The following PFDN1 variants were observed in gnomAD, a reference collection of about 807,000 sequenced individuals.
PFDN1 encodes prefoldin subunit 1.
PFDN1 carries 6 observed loss-of-function variants against 17.3 expected under a neutral mutation model. The observed-to-expected ratio is 0.35, with a 90% CI of 0.19 to 0.69. The LOEUF is 0.69. Among genes scored for constraint, PFDN1 ranks in the 30% least tolerant of loss-of-function variants. The probability of loss-of-function intolerance (pLI) is 0.65; values close to 1 mark genes in which losing one functional copy is unlikely to be tolerated. For missense variants in PFDN1, 113 were observed against 146.2 expected (o/e 0.77, Z 1.17); for synonymous variants, 58 against 50.1 (o/e 1.16, Z -0.67).
Position 140,303,030 on chromosome 5 carries a change from C to T in PFDN1, c.33+11G>A, listed in dbSNP as rs1765771719. 2.5e-6 allele frequency: 4 copies of T among 1,602,536 alleles called. No individual in the cohort carries two copies. The highest frequency in any genetic ancestry group is 3.4e-6 in the Non-Finnish European group (4 of 1,169,410). ...AAAGAAGACCTCCGCCTGCCAAAGA[C>T]CCTCTTTTACCTTCTTCAGCTCTAG... On this transcript the variant is annotated intron_variant, in intron 1 of 3. Transcript: ENST00000261813.
At chr5:140,262,434 A>G (rs943042774) in intron 3 of PFDN1, 1 of 438,554 alleles carries the variant, frequency 2.3e-6, no homozygotes, top group East Asian at 7.1e-5. Context: ...CGTGACCTCC[A>G]TTTCTAAATC....
intron 3 of PFDN1, among the ~76,000 whole-genome samples, chr5:140,279,797 A>C (rs999052032): frequency 9.6e-4 from 146 of 152,124 alleles, no homozygotes; most frequent in African/African-American, 3.3e-3. Context: ...GGAGTTCGAG[A>C]CCAGCCTGAC....
At position 140,266,016 on chromosome 5, in the gene PFDN1, G is replaced by A. The variant is rs12517336; in HGVS notation, c.285+15433C>T. 0.033 allele frequency among the ~76,000 whole-genome samples: 5,015 copies of A among 152,098 alleles called. 468 individuals are homozygous for A. The East Asian group carries it at 0.38, about 12-fold the overall frequency. On this transcript the variant is annotated intron_variant, in intron 3 of 3. Coordinates refer to ENST00000261813, the MANE Select transcript of PFDN1 (RefSeq NM_002622.5). ...CTTGATTTGAAATGCCCTCTCCTCT[G>A]CCCTAGCCCCACCTAGCAAACTTCT...
At position 140,245,882 on chromosome 5, in the gene PFDN1, C is replaced by G. The variant is rs1007051020; in HGVS notation, c.*92G>C. On this transcript the variant is annotated 3_prime_UTR_variant, in exon 4 of 4. Transcript: ENST00000261813. ...CAGGCCATCCAAATAAAGCATCCATCGGGGCAGAGGAGAAGCTGTTTCCCT... is the reference window on the plus strand; with the variant it reads ...CAGGCCATCCAAATAAAGCATCCATGGGGGCAGAGGAGAAGCTGTTTCCCT... 1.4e-6 allele frequency: 1 copy of G among 736,338 alleles called. No individual in the cohort carries two copies. Among genetic ancestry groups the G allele is most frequent in the African/African-American group, 1.8e-5 (1 of 57,090 alleles). The allele number at this position is 736,338 out of a possible 1,614,324, so 45.6% of individuals were successfully genotyped here. A position where few individuals can be genotyped will look rare whatever the true frequency, so the allele number is the denominator to read the frequency against.
chr5:140,253,606 G>A (rs1179816494), intron 3 of PFDN1, among the ~76,000 whole-genome samples: 5 of 152,176 alleles, frequency 3.3e-5, no homozygotes, highest in Admixed American at 6.5e-5. Context: ...AGAGCCAGGA[G>A]CGGCAACTGT....
At chr5:140,276,028 T>C (rs946692831) in intron 3 of PFDN1, among the ~76,000 whole-genome samples, 1 of 99,198 alleles carries the variant, frequency 1.0e-5, no homozygotes, top group Non-Finnish European at 2.4e-5. Context: ...ATGATGATGA[T>C]GATGATGATG....
chr5:140,281,696 G>T, intron 2 of PFDN1, 163 bp from the exon 3 acceptor site: 1 of 584,528 alleles, frequency 1.7e-6, no homozygotes, highest in Non-Finnish European at 3.0e-6. Flanking sequence ...AAACCTTCTT[G>T]GCTGAGAAGG....
At chr5:140,247,003 T>C (rs1764839921) in intron 3 of PFDN1, among the ~76,000 whole-genome samples, 2 of 152,182 alleles carry the variant, frequency 1.3e-5, no homozygotes, top group Non-Finnish European at 2.9e-5. Flanking sequence ...GCCCAGGCCC[T>C]TCTCTCACCT....
intron 3 of PFDN1, among the ~76,000 whole-genome samples, chr5:140,256,821 C>G (rs1004952189): frequency 2.0e-5 from 3 of 152,064 alleles, no homozygotes; most frequent in Non-Finnish European, 4.4e-5. Context: ...ACTCTTCTTT[C>G]TATCTAGCAC....
At chr5:140,280,548 G>A (rs1252721304) in intron 3 of PFDN1, among the ~76,000 whole-genome samples, 1 of 152,152 alleles carries the variant, frequency 6.6e-6, no homozygotes, top group Non-Finnish European at 1.5e-5. Context: ...CTAAGATACT[G>A]CATACTCCCA....
chr5:140,273,763 G>T (rs1765248014), intron 3 of PFDN1: 1 of 240,094 alleles, frequency 4.2e-6, no homozygotes, highest in East Asian at 1.8e-4. Context: ...ACTGTCCTAG[G>T]TTTCCTTATT....
chr5:140,293,310 G>T (rs1458423291), intron 2 of PFDN1: 2 of 137,512 alleles, frequency 1.5e-5, no homozygotes, highest in East Asian at 2.3e-4. Context: ...TCCTTTGTCA[G>T]TTAAAAAAAA....
chr5:140,270,791 T>C (rs961545722), intron 3 of PFDN1, among the ~76,000 whole-genome samples: 2 of 151,860 alleles, frequency 1.3e-5, no homozygotes, highest in South Asian at 2.1e-4. Context: ...CCGGGCGTGG[T>C]GGCGGGCGCC....
intron 3 of PFDN1, among the ~76,000 whole-genome samples, chr5:140,252,737 G>A (rs1446730283): frequency 1.3e-5 from 2 of 152,308 alleles, no homozygotes; most frequent in Admixed American, 6.5e-5. Flanking sequence ...GTTGGTAGAA[G>A]GCAGGGGAAA....
intron 3 of PFDN1, among the ~76,000 whole-genome samples, chr5:140,261,750 C>T (rs1253495480): frequency 6.6e-6 from 1 of 151,930 alleles, no homozygotes; most frequent in East Asian, 1.9e-4. Context: ...TCAATATCAC[C>T]CAAGAAAATG....
At chr5:140,259,944 T>C (rs1765039679) in intron 3 of PFDN1, among the ~76,000 whole-genome samples, 1 of 152,236 alleles carries the variant, frequency 6.6e-6, no homozygotes, top group South Asian at 2.1e-4. Flanking sequence ...AGACGTATTA[T>C]TGGCCAAAAA....
chr5:140,279,856 G>C (rs191651459), intron 3 of PFDN1, among the ~76,000 whole-genome samples: 1 of 151,548 alleles, frequency 6.6e-6, no homozygotes, highest in Admixed American at 6.6e-5. Context: ...TTAGCAGGGC[G>C]TGGTGGCGCA....
chr5:140,263,044 TTA>T (rs1219674948), intron 3 of PFDN1, among the ~76,000 whole-genome samples: 25 of 152,264 alleles, frequency 1.6e-4, no homozygotes, highest in Admixed American at 1.4e-3. Context: ...GTGATCTGTA[TTA>T]TGTTACAAGG....
intron 3 of PFDN1, among the ~76,000 whole-genome samples, chr5:140,246,941 C>T (rs984569368): frequency 2.0e-5 from 3 of 152,108 alleles, no homozygotes; most frequent in Admixed American, 6.5e-5. Context: ...TATCACCTCC[C>T]AGGGCATATG....
Sources: gnomAD v4.1 joint callset for allele counts (sites outside exome capture counted in the v4.1 genomes callset) on GRCh38, gnomAD v4.1.1 for gene constraint, MANE v1.5 for transcripts, NCBI Gene and HGNC (gene_info 2026-07-23, HGNC 2026-07-21) for gene names.